Variants in PHLDB2 observed in about 807,000 individuals in gnomAD.
PHLDB2 encodes the protein pleckstrin homology like domain family B member 2.
Under a neutral mutation model 123.6 loss-of-function variants are expected in PHLDB2, and 71 were observed. That is an observed-to-expected ratio of 0.57 (90% CI 0.47 to 0.70). The LOEUF is 0.70. Among genes scored for constraint, PHLDB2 ranks in the 30% least tolerant of loss-of-function variants. The pLI is 0.00. For missense variants in PHLDB2, 1,446 were observed against 1,519.5 expected (o/e 0.95, Z 0.80); for synonymous variants, 547 against 541.6 (o/e 1.01, Z -0.14).
chr3:111,896,065 G>A (rs954441639), intron 2 of PHLDB2, among the ~76,000 whole-genome samples: 5 of 151,804 alleles, frequency 3.3e-5, no homozygotes, highest in East Asian at 1.9e-4. Flanking sequence ...GCATGATCTC[G>A]GCTCAGCCTG....
intron 12 of PHLDB2, among the ~76,000 whole-genome samples, chr3:111,956,110 G>A (rs975557106): frequency 2.6e-5 from 4 of 152,170 alleles, no homozygotes; most frequent in South Asian, 4.1e-4. Flanking sequence ...TAGGAGGATC[G>A]CTTGAGCCTG....
In PHLDB2 at chr3:111,920,525, C is replaced by T. The variant is rs2068435063; in HGVS notation, c.2001+106C>T. 19 of 1,377,372 alleles carry T rather than the reference C, an allele frequency of 1.4e-5. 1 individual carries two copies. The highest frequency in any genetic ancestry group is 1.9e-5 in the Non-Finnish European group (19 of 1,025,358). 85.3% of individuals were successfully genotyped at this position (1,377,372 alleles called of 1,614,324 possible). A position where few individuals can be genotyped will look rare whatever the true frequency, so the allele number is the denominator to read the frequency against. Reference sequence around the variant, plus strand: ...TTACTGGGGTTTTGGATTTGTGTGTCATGTTCCTGGAGGCAGTGGCACTAG... The same window carrying T: ...TTACTGGGGTTTTGGATTTGTGTGTTATGTTCCTGGAGGCAGTGGCACTAG... On this transcript the variant is annotated intron_variant, in intron 5 of 17. Coordinates refer to ENST00000431670, the MANE Select transcript of PHLDB2 (RefSeq NM_001134438.2).
intron 1 of PHLDB2, among the ~76,000 whole-genome samples, chr3:111,883,331 C>T (rs2066022811): frequency 6.6e-6 from 1 of 152,124 alleles, no homozygotes; most frequent in Non-Finnish European, 1.5e-5. Context: ...ATAGTTGTTT[C>T]TGCTAGAGGA....
At chr3:111,938,838 A>G (rs1255405239) in intron 6 of PHLDB2, among the ~76,000 whole-genome samples, 2 of 151,502 alleles carry the variant, frequency 1.3e-5, no homozygotes, top group Non-Finnish European at 2.9e-5. Flanking sequence ...ATTTTTTGAC[A>G]GAGTTTCACC....
chr3:111,744,930 T>C (rs1254680995), intron 1 of PHLDB2, among the ~76,000 whole-genome samples: 1 of 152,128 alleles, frequency 6.6e-6, no homozygotes, highest in African/African-American at 2.4e-5. Flanking sequence ...GTGAGGAAAA[T>C]TAAGATGAAA....
intron 1 of PHLDB2, among the ~76,000 whole-genome samples, chr3:111,810,004 C>CT (rs2108325402): frequency 6.6e-6 from 1 of 152,190 alleles, no homozygotes; most frequent in African/African-American, 2.4e-5. Flanking sequence ...TTTTTTAAAA[C>CT]TTTTTTGTGG....
chr3:111,814,148 A>T (rs565313381), intron 1 of PHLDB2, among the ~76,000 whole-genome samples: 86 of 152,316 alleles, frequency 5.6e-4, no homozygotes, highest in Non-Finnish European at 1.1e-3. Flanking sequence ...GGATTGAAGG[A>T]TACAAAGTAC....
chr3:111,776,456 C>G (rs1333897624), intron 1 of PHLDB2, among the ~76,000 whole-genome samples: 2 of 152,070 alleles, frequency 1.3e-5, no homozygotes, highest in African/African-American at 4.8e-5. Flanking sequence ...AATTTACTAA[C>G]TGAGTGCACG....
upstream of PHLDB2, among the ~76,000 whole-genome samples, chr3:111,855,520 C>CT (rs2064449935): frequency 7.1e-6 from 1 of 140,062 alleles, no homozygotes; most frequent in Admixed American, 7.5e-5. Context: ...TCCTTTCTTT[C>CT]TTCTTTCTTT....
intron 1 of PHLDB2, among the ~76,000 whole-genome samples, chr3:111,813,282 TTTTA>T (rs1243682542): frequency 6.6e-6 from 1 of 152,220 alleles, no homozygotes; most frequent in Non-Finnish European, 1.5e-5. Context: ...CATATGACAT[TTTTA>T]TTTGTCCATT....
At chr3:111,780,411 A>AGAGG (rs61182634) in intron 1 of PHLDB2, among the ~76,000 whole-genome samples, 1 of 130,628 alleles carries the variant, frequency 7.7e-6, no homozygotes, top group Non-Finnish European at 1.7e-5. Context: ...AAGAAGAAGA[A>AGAGG]AAAGATTAGT....
chr3:111,850,961 C>T (rs191663009), intron 2 of PHLDB2, among the ~76,000 whole-genome samples: 49 of 151,872 alleles, frequency 3.2e-4, no homozygotes, highest in African/African-American at 1.0e-3. Flanking sequence ...TTTGGGAGGC[C>T]GAGTCAGGCA....
chr3:111,889,250 GGAAAA>G (rs2066341453), intron 2 of PHLDB2, among the ~76,000 whole-genome samples: 1 of 152,132 alleles, frequency 6.6e-6, no homozygotes, highest in Non-Finnish European at 1.5e-5. Flanking sequence ...GATGAAACAA[GGAAAA>G]GATGTGTAGC....
At chr3:111,886,486 T>C (rs968596078) in intron 2 of PHLDB2, among the ~76,000 whole-genome samples, 2 of 152,020 alleles carry the variant, frequency 1.3e-5, no homozygotes, top group East Asian at 3.9e-4. Flanking sequence ...CGTTAGTGTA[T>C]TTTATGTGTG....
chr3:111,897,752 G>A (rs898753896), intron 2 of PHLDB2, among the ~76,000 whole-genome samples: 2 of 152,142 alleles, frequency 1.3e-5, no homozygotes, highest in Non-Finnish European at 2.9e-5. Flanking sequence ...ATCAGATCAC[G>A]AAGACCAAGG....
Position 111,884,995 on chromosome 3 carries a change from T to A in PHLDB2, c.918T>A (p.Ser306=), listed in dbSNP as rs2066088164. The A allele has an allele frequency of 1.2e-6, 2 of 1,614,050 alleles. No individual in the cohort carries two copies. Among genetic ancestry groups the A allele is most frequent in the African/African-American group, 2.7e-5 (2 of 74,938 alleles). The change falls in exon 2 of 18, where the codon TCT becomes TCA. Residue 306 remains serine, a synonymous_variant. Coordinates refer to ENST00000431670, the MANE Select transcript of PHLDB2 (RefSeq NM_001134438.2). The stretch of plus-strand genomic sequence containing the variant: ...ATGACAATTACCTTAATTTTTCTTC[T>A]TTGAGCTCAGGGGCTTTACCCTATA... ...IDNDNYLNFS[S]LSSGALPYKT...
intron 1 of PHLDB2, among the ~76,000 whole-genome samples, chr3:111,777,987 A>G (rs1277466285): frequency 6.6e-6 from 1 of 152,012 alleles, no homozygotes. Context: ...TATGTTTTAT[A>G]AGCGTAGGAG....
intron 2 of PHLDB2, among the ~76,000 whole-genome samples, chr3:111,907,833 G>T (rs967831165): frequency 6.6e-6 from 1 of 151,944 alleles, no homozygotes; most frequent in Admixed American, 6.6e-5. Flanking sequence ...GTCTCCCTCT[G>T]TCTCTCAGGC....
Position 111,757,723 on chromosome 3 carries a change from G to A in PHLDB2, c.-49+25020G>A, listed in dbSNP as rs188253588. Among the ~76,000 whole-genome samples, 13 of 152,196 alleles carry A rather than the reference G, an allele frequency of 8.5e-5. No individual in the cohort carries two copies. In the South Asian group the frequency reaches 1.5e-3, roughly 17 times the overall value. On this transcript the variant is annotated intron_variant, in intron 1 of 17. Coordinates refer to the PHLDB2 transcript ENST00000393923. Reference sequence around the variant, plus strand: ...GTGGTTTTATCTACTTTTTGTCTTCGATGTTGGTGATGTACAGATGGGTTT... The same window carrying A: ...GTGGTTTTATCTACTTTTTGTCTTCAATGTTGGTGATGTACAGATGGGTTT...
Sources: allele counts gnomAD v4.1 joint callset (sites outside exome capture counted in the v4.1 genomes callset), GRCh38; gene constraint gnomAD v4.1.1; transcripts MANE v1.5; gene names NCBI Gene and HGNC (gene_info 2026-07-23, HGNC 2026-07-21).